The following EYA1 variants were observed in gnomAD, a reference collection of about 807,000 sequenced individuals.
EYA1 encodes the protein protein phosphatase EYA1.
In EYA1, 16 loss-of-function variants were observed where a neutral mutation model predicts 82.0. That is an observed-to-expected ratio of 0.20 (90% CI 0.13 to 0.30). The LOEUF (loss-of-function observed/expected upper bound fraction) is 0.30. Ranked by LOEUF, EYA1 falls within the 10% of genes least tolerant of loss-of-function variation. The probability of loss-of-function intolerance (pLI) is 1.00; values close to 1 mark genes in which losing one functional copy is unlikely to be tolerated. For synonymous variants in EYA1, 261 were observed against 264.4 expected (o/e 0.99, Z 0.12); for missense variants, 633 against 730.7 (o/e 0.87, Z 1.54).
intron 7 of EYA1, among the ~76,000 whole-genome samples, chr8:71,305,677 T>TAAATAAA (rs1820658196): frequency 7.8e-6 from 1 of 129,028 alleles, no homozygotes; most frequent in African/African-American, 3.4e-5. Flanking sequence ...AAATAAATAA[T>TAAATAAA]TGTTAACAAT....
intron 3 of EYA1, among the ~76,000 whole-genome samples, chr8:71,339,189 C>T (rs574876322): frequency 2.7e-4 from 41 of 152,202 alleles, no homozygotes; most frequent in Non-Finnish European, 4.7e-4. Context: ...ATCTATTCTC[C>T]GACTCCTGCT....
chr8:71,331,975 G>C (rs1823930467), intron 4 of EYA1, among the ~76,000 whole-genome samples: 1 of 152,080 alleles, frequency 6.6e-6, no homozygotes, highest in Non-Finnish European at 1.5e-5. Flanking sequence ...AGCCTCCTTA[G>C]TAGCTGGGAC....
chr8:71,254,307 C>A (rs1424278085), intron 11 of EYA1, among the ~76,000 whole-genome samples: 1 of 141,784 alleles, frequency 7.1e-6, no homozygotes, highest in East Asian at 2.1e-4. Flanking sequence ...GCTCCTAGAT[C>A]TAGCTATCAG....
chr8:71,415,038 T>G (rs560880268), intron 2 of EYA1, among the ~76,000 whole-genome samples: 1 of 152,332 alleles, frequency 6.6e-6, no homozygotes, highest in African/African-American at 2.4e-5. Flanking sequence ...ACAGAAATTC[T>G]TCTCCAATGG....
chr8:71,235,927 T>C (rs1340916563), intron 12 of EYA1, among the ~76,000 whole-genome samples: 1 of 152,254 alleles, frequency 6.6e-6, no homozygotes, highest in East Asian at 1.9e-4. Context: ...TATACTATCA[T>C]TCATTTTGTA....
At chr8:71,340,634 C>T (rs1825013879) in intron 3 of EYA1, among the ~76,000 whole-genome samples, 1 of 152,060 alleles carries the variant, frequency 6.6e-6, no homozygotes. Context: ...TTTCTTATTC[C>T]TTGAACTATG....
chr8:71,429,168 T>G (rs969396854), intron 2 of EYA1, among the ~76,000 whole-genome samples: 1 of 152,220 alleles, frequency 6.6e-6, no homozygotes, highest in African/African-American at 2.4e-5. Flanking sequence ...AACATGACCT[T>G]TGTTTTCTTA....
At chr8:71,362,258 G>A, upstream of EYA1, 1 of 928,726 alleles carries the variant, frequency 1.1e-6, no homozygotes, top group Non-Finnish European at 1.3e-6. Context: ...AAGGAGCACT[G>A]CTCTGTCTGA....
Position 71,322,819 on chromosome 8 carries a change from A to G in EYA1, c.203-551T>C, listed in dbSNP as rs112838767. Among the ~76,000 whole-genome samples, 1,108 of 152,310 alleles carry G rather than the reference A, an allele frequency of 7.3e-3. 13 individuals are homozygous for G. Among genetic ancestry groups the G allele is most frequent in the African/African-American group, 0.025 (1,055 of 41,576 alleles). On this transcript the variant is annotated intron_variant, in intron 4 of 17. Transcript: ENST00000340726. ...TGGTTTTTAGTAAAAATGCGTTCCTATAACTATCTTAAATTTCTCAAGTTG... is the reference window on the plus strand; with the variant it reads ...TGGTTTTTAGTAAAAATGCGTTCCTGTAACTATCTTAAATTTCTCAAGTTG...
At chr8:71,251,780 T>C (rs1289582310) in intron 11 of EYA1, among the ~76,000 whole-genome samples, 2 of 152,180 alleles carry the variant, frequency 1.3e-5, no homozygotes, top group Non-Finnish European at 2.9e-5. Flanking sequence ...TTTCATCATG[T>C]ACCCAAATCA....
intron 2 of EYA1, chr8:71,530,748 G>T (rs1296840402): frequency 6.6e-6 from 1 of 152,138 alleles, no homozygotes; most frequent in Non-Finnish European, 1.5e-5. Context: ...GCATCTCCAA[G>T]TACAGGAATA....
chr8:71,199,241 T>C lies in EYA1; in HGVS notation c.*99A>G, dbSNP rs1201484616. On this transcript the variant is annotated 3_prime_UTR_variant, in exon 18 of 18. Coordinates refer to ENST00000340726, the MANE Select transcript of EYA1 (RefSeq NM_000503.6). ...GCAACTGCGCATCACCAGGCGGAAA[T>C]TGCTAAGTTCTGGAGGCCGGCGCTG... The C allele has an allele frequency of 5.8e-6, 5 of 854,856 alleles. No homozygotes were observed. Among genetic ancestry groups the C allele is most frequent in the African/African-American group, 5.0e-5 (3 of 59,984 alleles). 53.0% of individuals were successfully genotyped at this position (854,856 alleles called of 1,614,324 possible).
intron 4 of EYA1, among the ~76,000 whole-genome samples, chr8:71,330,611 T>C (rs1823726863): frequency 6.6e-6 from 1 of 152,234 alleles, no homozygotes; most frequent in South Asian, 2.1e-4. Flanking sequence ...GAGCACATAC[T>C]ATCTGCTAAG....
upstream of EYA1, chr8:71,362,281 G>T: frequency 2.6e-6 from 2 of 779,162 alleles, no homozygotes; most frequent in Admixed American, 1.5e-4. Flanking sequence ...CAACCTTGCT[G>T]TTTAAAAAAA....
intron 12 of EYA1, among the ~76,000 whole-genome samples, chr8:71,228,372 T>C (rs183612397): frequency 1.3e-5 from 2 of 152,224 alleles, no homozygotes; most frequent in Admixed American, 1.3e-4. Flanking sequence ...ATAAATTTCT[T>C]CCAGCATGGG....
chr8:71,393,684 C>G (rs7018384), intron 2 of EYA1, among the ~76,000 whole-genome samples: 36,033 of 152,138 alleles, frequency 0.24, 4,558 homozygotes, highest in Middle Eastern at 0.34. Flanking sequence ...TTTTCTTAAT[C>G]CAGTCTATCA....
chr8:71,269,071 T>C (rs1404843818), intron 11 of EYA1, among the ~76,000 whole-genome samples: 2 of 152,208 alleles, frequency 1.3e-5, no homozygotes, highest in Non-Finnish European at 2.9e-5. Context: ...GAAAGACTTA[T>C]GAAATCATCA....
chr8:71,514,101 G>C (rs189048347), intron 2 of EYA1, among the ~76,000 whole-genome samples: 1 of 152,252 alleles, frequency 6.6e-6, no homozygotes, highest in East Asian at 1.9e-4. Context: ...ACATGAGAGT[G>C]CAGATATCTC....
chr8:71,452,689 T>C (rs866977930), intron 2 of EYA1, among the ~76,000 whole-genome samples: 4 of 152,108 alleles, frequency 2.6e-5, no homozygotes, highest in African/African-American at 7.2e-5. Context: ...CAAACTCCAA[T>C]AGACCTGCAG....
Sources: allele counts gnomAD v4.1 joint callset (sites outside exome capture counted in the v4.1 genomes callset), GRCh38; gene constraint gnomAD v4.1.1; transcripts MANE v1.5; gene names NCBI Gene and HGNC (gene_info 2026-07-23, HGNC 2026-07-21).